PHACTR4: variants seen among roughly 807,000 people sequenced by gnomAD.
PHACTR4 encodes protein phosphatase 1, regulatory subunit 124.
PHACTR4 carries 51 observed loss-of-function variants against 72.7 expected under a neutral mutation model. The observed-to-expected ratio is 0.70, with a 90% CI of 0.56 to 0.89. The LOEUF (loss-of-function observed/expected upper bound fraction) is 0.89, where lower values mean the gene tolerates loss of function less well. Among genes scored for constraint, PHACTR4 ranks in the 40% least tolerant of loss-of-function variants. The pLI, the probability that PHACTR4 is intolerant of heterozygous loss-of-function variation, is 0.00. For synonymous variants in PHACTR4, 255 were observed against 302.5 expected (o/e 0.84, Z 1.63); for missense variants, 731 against 861.8 (o/e 0.85, Z 1.90).
intron 6 of PHACTR4, among the ~76,000 whole-genome samples, chr1:28,471,825 G>T (rs1659577560): frequency 6.6e-6 from 1 of 152,086 alleles, no homozygotes; most frequent in Non-Finnish European, 1.5e-5. Flanking sequence ...AGACAAGGTT[G>T]CCCTGCCATC....
chr1:28,400,304 C>A, intron 1 of PHACTR4, among the ~76,000 whole-genome samples: 1 of 149,660 alleles, frequency 6.7e-6, no homozygotes, highest in Non-Finnish European at 1.5e-5. Flanking sequence ...ACCTGGGAGT[C>A]GGAGGTTGCA....
At chr1:28,380,438 T>G (rs4908348) in intron 1 of PHACTR4, among the ~76,000 whole-genome samples, 58,302 of 151,596 alleles carry the variant, frequency 0.38, 12,840 homozygotes, top group African/African-American at 0.6. Context: ...TTGTTGTGTA[T>G]ATTATTTTGT....
chr1:28,421,283 CAT>C (rs988737941), intron 2 of PHACTR4, among the ~76,000 whole-genome samples: 6 of 152,120 alleles, frequency 3.9e-5, no homozygotes, highest in African/African-American at 1.4e-4. Flanking sequence ...TACACACTCA[CAT>C]GTTATAATTG....
rs4129914 is a variant in PHACTR4 at position 28,459,147 on chromosome 1, A to C, written c.79A>C (p.Thr27Pro). 2.3e-3 allele frequency: 3,676 copies of C among 1,614,022 alleles called. 72 individuals carry two copies. The African/African-American group carries it at 0.039, about 17-fold the overall frequency. ...MVLDSVEAGD[T>P]TPPTKRKSKF... Reference sequence around the variant, plus strand: ...CCTGGACAGTGTGGAAGCAGGAGACACAACACCTCCTACCAAAAGGAAGAG... The same window carrying C: ...CCTGGACAGTGTGGAAGCAGGAGACCCAACACCTCCTACCAAAAGGAAGAG... Residue 27 changes from threonine (T) to proline (P), a missense_variant, in exon 3 of 14, where the codon ACA (threonine) becomes CCA (proline). Around this residue, in one of 2 missense-constraint regions of PHACTR4, gnomAD observed 621 missense variants for 676.6 expected, o/e 0.92. Transcript: ENST00000373839.
intron 1 of PHACTR4, among the ~76,000 whole-genome samples, chr1:28,372,943 T>C (rs1451239807): frequency 6.6e-6 from 1 of 152,046 alleles, no homozygotes; most frequent in Non-Finnish European, 1.5e-5. Context: ...ATTTTCTCAA[T>C]ATTATTTATT....
intron 2 of PHACTR4, among the ~76,000 whole-genome samples, chr1:28,446,105 C>T (rs1319192472): frequency 2.6e-5 from 4 of 152,142 alleles, no homozygotes; most frequent in African/African-American, 9.7e-5. Context: ...TTTCTCATAC[C>T]TGTCTGCTGT....
intron 9 of PHACTR4, among the ~76,000 whole-genome samples, chr1:28,486,745 G>C (rs1660666348): frequency 6.6e-6 from 1 of 152,014 alleles, no homozygotes; most frequent in Non-Finnish European, 1.5e-5. Context: ...TGTAGTCTCA[G>C]CTACTCAGGA....
chr1:28,482,073 T>C (rs566404069), intron 9 of PHACTR4, among the ~76,000 whole-genome samples: 24 of 151,894 alleles, frequency 1.6e-4, no homozygotes, highest in African/African-American at 4.1e-4. Flanking sequence ...AATTTTTGTA[T>C]TTTTAGTAAA....
intron 1 of PHACTR4, among the ~76,000 whole-genome samples, chr1:28,392,180 G>A (rs1050687021): frequency 4.6e-5 from 7 of 152,052 alleles, no homozygotes; most frequent in Non-Finnish European, 1.0e-4. Context: ...TGAGTAGTGT[G>A]ATGAAATCTC....
intron 9 of PHACTR4, among the ~76,000 whole-genome samples, chr1:28,481,788 T>TAA (rs879306959): frequency 2.5e-5 from 3 of 118,494 alleles, no homozygotes; most frequent in Non-Finnish European, 5.4e-5. Context: ...AGACTCCATC[T>TAA]AAAAAAAAAA....
At chr1:28,465,911 G>A (rs1347347213) in intron 5 of PHACTR4, 62 bp downstream of exon 5, 14 of 1,487,718 alleles carry the variant, frequency 9.4e-6, no homozygotes, top group Non-Finnish European at 1.1e-5. Flanking sequence ...TTACATAAGG[G>A]GTTTGCAAGA....
chr1:28,424,274 C>T (rs1164468171), intron 2 of PHACTR4, among the ~76,000 whole-genome samples: 2 of 152,088 alleles, frequency 1.3e-5, no homozygotes, highest in Non-Finnish European at 2.9e-5. Flanking sequence ...TCACTGCAGC[C>T]TTCACCTCCT....
chr1:28,418,928 G>A (rs1655299421), intron 2 of PHACTR4, among the ~76,000 whole-genome samples: 1 of 151,380 alleles, frequency 6.6e-6, no homozygotes, highest in Non-Finnish European at 1.5e-5. Context: ...ACCAGCCTGG[G>A]TGACAGAGAG....
At chr1:28,428,525 G>T (rs1047006864) in intron 2 of PHACTR4, among the ~76,000 whole-genome samples, 6 of 152,142 alleles carry the variant, frequency 3.9e-5, no homozygotes, top group Non-Finnish European at 8.8e-5. Flanking sequence ...CTTTCATTTT[G>T]TGGAGCTGAA....
At chr1:28,417,934 A>C (rs1237924756) in intron 2 of PHACTR4, among the ~76,000 whole-genome samples, 1 of 145,228 alleles carries the variant, frequency 6.9e-6, no homozygotes, top group Admixed American at 7.0e-5. Flanking sequence ...CCTAGGCAAC[A>C]TTGGGAGACC....
At chr1:28,473,496 C>A in intron 6 of PHACTR4, 58 bp from the exon 7 acceptor site, 1 of 1,309,012 alleles carries the variant, frequency 7.6e-7, no homozygotes, top group Non-Finnish European at 1.1e-6. Flanking sequence ...AGGCCCTGGG[C>A]CGGCCCTTCA....
At position 28,476,772 on chromosome 1, in the gene PHACTR4, C is replaced by CTTTTTTTTTTTTTTTTTTTTTTTT. The variant is rs35369238; in HGVS notation, c.1606+496_1606+497insTTTTTTTTTTTTTTTTTTTTTTTT. On this transcript the variant is annotated intron_variant, in intron 8 of 13. Coordinates refer to ENST00000373839, the MANE Select transcript of PHACTR4 (RefSeq NM_001048183.3). ...GTCTCGTTAGGTTGCCTAGCCTGTT[C>CTTTTTTTTTTTTTTTTTTTTTTTT]TTTTTTTTTTTTTTTGAGACGGAGT... Among the ~76,000 whole-genome samples the CTTTTTTTTTTTTTTTTTTTTTTTT allele has an allele frequency of 7.1e-5, 7 of 98,436 alleles. 1 individual carries two copies. The highest frequency in any genetic ancestry group is 1.2e-4 in the Non-Finnish European group (6 of 50,924). 64.6% of individuals were successfully genotyped at this position (98,436 alleles called of 152,430 possible). A position where few individuals can be genotyped will look rare whatever the true frequency, so the allele number is the denominator to read the frequency against.
intron 9 of PHACTR4, 133 bp from the exon 10 acceptor site, chr1:28,489,033 AAATG>A (rs1660876950): frequency 1.8e-6 from 1 of 569,966 alleles, no homozygotes; most frequent in African/African-American, 1.9e-5. Context: ...AATCATAAAT[AAATG>A]AAATATATCA....
chr1:28,375,807 C>T (rs911429129), intron 1 of PHACTR4, among the ~76,000 whole-genome samples: 2 of 152,182 alleles, frequency 1.3e-5, no homozygotes, highest in East Asian at 1.9e-4. Context: ...CGGTGGCTCA[C>T]GCCTCTAATC....
Sources: allele counts gnomAD v4.1 joint callset (sites outside exome capture counted in the v4.1 genomes callset), GRCh38; gene constraint gnomAD v4.1.1; regional missense constraint gnomAD v4.1.1; transcripts MANE v1.5; gene names NCBI Gene and HGNC (gene_info 2026-07-23, HGNC 2026-07-21).